The following NFIX variants were observed in gnomAD, a reference collection of about 807,000 sequenced individuals.
NFIX encodes the protein nuclear factor I X, also known as nuclear factor 1 X-type.
NFIX carries 2 observed loss-of-function variants against 53.3 expected under a neutral mutation model. That is an observed-to-expected ratio of 0.04 (90% CI 0.02 to 0.12). The LOEUF (loss-of-function observed/expected upper bound fraction) is 0.12, where lower values mean the gene tolerates loss of function less well. Among genes scored for constraint, NFIX ranks in the 10% least tolerant of loss-of-function variants. NFIX has a pLI of 1.00. For missense variants in NFIX, 310 were observed against 674.5 expected (o/e 0.46, Z 5.99); for synonymous variants, 244 against 289.0 (o/e 0.84, Z 1.58).
chr19:13,043,303 C>T lies in NFIX; in HGVS notation c.559+17751C>T, dbSNP rs761182172. 1.3e-5 allele frequency among the ~76,000 whole-genome samples: 2 copies of T among 152,192 alleles called. No individual in the cohort carries two copies. The highest frequency in any genetic ancestry group is 2.4e-5 in the African/African-American group (1 of 41,446). On this transcript the variant is annotated intron_variant, in intron 2 of 10. Transcript: ENST00000592199. This position sits in a 1 kb window ranked among gnomAD's most constrained non-coding sequence, Gnocchi z 4.0. Reference sequence around the variant, plus strand: ...TTAGCACTGCTAGAAGGGGAGGGACCCTTGGGGGTCACCGTGGCATGGCAG... The same window carrying T: ...TTAGCACTGCTAGAAGGGGAGGGACTCTTGGGGGTCACCGTGGCATGGCAG...
At chr19:13,055,384 G>A (rs977389117) in intron 2 of NFIX, among the ~76,000 whole-genome samples, 2 of 152,158 alleles carry the variant, frequency 1.3e-5, no homozygotes, top group African/African-American at 4.8e-5. Flanking sequence ...AGGGTCCCCC[G>A]AGTCCTTCTT....
At chr19:13,062,855 G>C (rs980272507) in intron 2 of NFIX, among the ~76,000 whole-genome samples, 1 of 152,160 alleles carries the variant, frequency 6.6e-6, no homozygotes, top group Non-Finnish European at 1.5e-5. Context: ...TCTCTCACAG[G>C]GGTATTGAGT....
At chr19:13,065,957 G>T (rs992159894) in intron 2 of NFIX, among the ~76,000 whole-genome samples, 1 of 152,190 alleles carries the variant, frequency 6.6e-6, no homozygotes, top group Non-Finnish European at 1.5e-5. Context: ...CTCATTATAT[G>T]AGGGAGGCAG....
intron 1 of NFIX, among the ~76,000 whole-genome samples, chr19:13,000,140 A>T (rs987523805): frequency 6.6e-6 from 1 of 152,222 alleles, no homozygotes; most frequent in Non-Finnish European, 1.5e-5. Flanking sequence ...GCCGTCAGAC[A>T]GAAATGGGTT....
chr19:13,078,767 T>G lies in NFIX; in HGVS notation c.1078+32T>G. 3 of 1,573,526 alleles carry G rather than the reference T, an allele frequency of 1.9e-6. No homozygotes were observed. Among genetic ancestry groups the G allele is most frequent in the Non-Finnish European group, 2.6e-6 (3 of 1,163,920 alleles). ...AATGGGGGGCCCCGGAGGGGGGCAG[T>G]TGGGGAGGTGGCTGAGTATCTAGGG... On this transcript the variant is annotated intron_variant, in intron 7 of 10. Coordinates refer to ENST00000592199, the MANE Select transcript of NFIX (RefSeq NM_001365902.3). The surrounding 1 kb of genome is among the most constrained non-coding windows in gnomAD (Gnocchi z 4.7).
In NFIX at chr19:13,040,015, G is replaced by T. The variant is rs2014507472; in HGVS notation, c.559+14463G>T. 6.6e-6 allele frequency among the ~76,000 whole-genome samples: 1 copy of T among 152,182 alleles called. No homozygotes were observed. Among genetic ancestry groups the T allele is most frequent in the African/African-American group, 2.4e-5 (1 of 41,442 alleles). ...TTATGAGGGGAGAATCCTGACAGAG[G>T]AGGGGCAGTGGAAGCTTCCAGAATG... On this transcript the variant is annotated intron_variant, in intron 2 of 10. Coordinates refer to ENST00000592199, the MANE Select transcript of NFIX (RefSeq NM_001365902.3). The surrounding 1 kb of genome is among the most constrained non-coding windows in gnomAD (Gnocchi z 4.2).
intron 8 of NFIX, among the ~76,000 whole-genome samples, chr19:13,084,410 C>T (rs2017651378): frequency 6.6e-6 from 1 of 152,146 alleles, no homozygotes; most frequent in Non-Finnish European, 1.5e-5. Context: ...CGCCACTGCA[C>T]TCCAGTCTGG....
chr19:13,000,420 G>A (rs759996838), intron 1 of NFIX, among the ~76,000 whole-genome samples: 2 of 151,970 alleles, frequency 1.3e-5, no homozygotes, highest in African/African-American at 4.8e-5. Flanking sequence ...TGGACTGCCT[G>A]GAGGAGGAGG....
At position 13,095,661 on chromosome 19, in the gene NFIX, G is replaced by T. The variant is rs2018401545; in HGVS notation, c.*1012G>T. ...CGGGCCGGAGGGTGGAGCAGAAAGGGGACCCCGGAGCCGAGCGAGGAGGAC... is the reference window on the plus strand; with the variant it reads ...CGGGCCGGAGGGTGGAGCAGAAAGGTGACCCCGGAGCCGAGCGAGGAGGAC... On this transcript the variant is annotated 3_prime_UTR_variant, in exon 11 of 11. Transcript: ENST00000592199. 2 of 152,422 alleles carry T rather than the reference G, an allele frequency of 1.3e-5. No individual in the cohort carries two copies. The highest frequency in any genetic ancestry group is 4.1e-4 in the South Asian group (2 of 4,838). The allele number at this position is 152,422 out of a possible 1,614,324, so 9.4% of individuals were successfully genotyped here. A position where few individuals can be genotyped will look rare whatever the true frequency, so the allele number is the denominator to read the frequency against.
chr19:13,015,826 G>A (rs1196633434), intron 1 of NFIX, among the ~76,000 whole-genome samples: 4 of 151,968 alleles, frequency 2.6e-5, no homozygotes, highest in Middle Eastern at 3.2e-3. Context: ...ACACGCACAC[G>A]CACTCTGCAG....
intron 2 of NFIX, among the ~76,000 whole-genome samples, chr19:13,058,155 A>AGCAGGAGGGGTGGTTGGATG (rs1423030385): frequency 2.0e-5 from 3 of 152,134 alleles, no homozygotes; most frequent in African/African-American, 7.2e-5. Context: ...GGAGCCTTCA[A>AGCAGGAGGGGTGGTTGGATG]GCAGGAGGGG....
At chr19:12,999,012 C>T (rs190916931) in intron 1 of NFIX, among the ~76,000 whole-genome samples, 1 of 152,188 alleles carries the variant, frequency 6.6e-6, no homozygotes, top group East Asian at 1.9e-4. Flanking sequence ...TCATGGAGCC[C>T]TGAGCACATG....
At chr19:13,044,146 C>T (rs2014827703) in intron 2 of NFIX, among the ~76,000 whole-genome samples, 1 of 152,170 alleles carries the variant, frequency 6.6e-6, no homozygotes, top group South Asian at 2.1e-4. Context: ...GGAGCTGCCT[C>T]AAGACTCCTG....
chr19:13,044,227 G>A lies in NFIX; in HGVS notation c.559+18675G>A, dbSNP rs190787396. Among the ~76,000 whole-genome samples, 655 of 152,340 alleles carry A rather than the reference G, an allele frequency of 4.3e-3. 8 individuals are homozygous for A. Among genetic ancestry groups the A allele is most frequent in the Non-Finnish European group, 4.9e-3 (334 of 68,034 alleles). The stretch of plus-strand genomic sequence containing the variant: ...TTGTGTAGGACAGAGGGAGGCGACA[G>A]CATCGTTTCTCCCCTTTCTTCCTTC... On this transcript the variant is annotated intron_variant, in intron 2 of 10. Transcript: ENST00000592199.
Position 13,094,802 on chromosome 19 carries a change from CAG to C in NFIX, c.*154_*155del. The C allele has an allele frequency of 1.3e-6, 1 of 788,506 alleles. No individual in the cohort carries two copies. The highest frequency in any genetic ancestry group is 2.0e-6 in the Non-Finnish European group (1 of 499,072). 48.8% of individuals were successfully genotyped at this position (788,506 alleles called of 1,614,324 possible). ...TCAGCCACTCAGCCCTTCTCTCCTC[CAG>C]CCCGGGGACCCCCGCGGGCCCCAGA... On this transcript the variant is annotated 3_prime_UTR_variant, in exon 11 of 11. Coordinates refer to ENST00000592199, the MANE Select transcript of NFIX (RefSeq NM_001365902.3). The surrounding 1 kb of genome is among the most constrained non-coding windows in gnomAD (Gnocchi z 4.3).
In NFIX at chr19:13,074,087, C is replaced by G; in HGVS notation, c.818+61C>G. 1.9e-6 allele frequency: 3 copies of G among 1,602,394 alleles called. No homozygotes were observed. The Admixed American group carries it at 5.0e-5, about 27-fold the overall frequency. On this transcript the variant is annotated intron_variant, in intron 5 of 10. Transcript: ENST00000592199. The stretch of plus-strand genomic sequence containing the variant: ...CACTCCCCCCAGGGCCAGGGCCGTC[C>G]CAGTGGCTATAGTCAGCTGTGTCAC...
Position 13,027,144 on chromosome 19 carries a change from G to T in NFIX, c.559+1592G>T, listed in dbSNP as rs2013428891. ...ATTCTTGTCCTGAGAGGTTGCTTTG[G>T]TAACTGGTTAGAAGCAGGGGACACC... On this transcript the variant is annotated intron_variant, in intron 2 of 10. Coordinates refer to ENST00000592199, the MANE Select transcript of NFIX (RefSeq NM_001365902.3). The surrounding 1 kb of genome is among the most constrained non-coding windows in gnomAD (Gnocchi z 4.3). Among the ~76,000 whole-genome samples the T allele has an allele frequency of 6.6e-6, 1 of 152,110 alleles. No homozygotes were observed. The highest frequency in any genetic ancestry group is 6.5e-5 in the Admixed American group (1 of 15,280).
chr19:13,082,873 C>T (rs577102484), intron 8 of NFIX, among the ~76,000 whole-genome samples: 1 of 152,208 alleles, frequency 6.6e-6, no homozygotes, highest in African/African-American at 2.4e-5. Context: ...ATCCCGGAAG[C>T]CCACACCAGA....
rs1057300155 is a variant in NFIX, at chr19:13,005,455, C to T, written c.27+9591C>T. Among the ~76,000 whole-genome samples, 1 of 152,280 alleles carries T rather than the reference C, an allele frequency of 6.6e-6. No homozygotes were observed. The highest frequency in any genetic ancestry group is 1.9e-4 in the East Asian group (1 of 5,180). ...CTGCCACTCACTAGCTGTGTAACTT[C>T]AGGCAAGTTGCTTAACCTCTCTGGG... is the stretch of plus-strand genomic sequence containing the variant. On this transcript the variant is annotated intron_variant, in intron 1 of 10. Coordinates refer to ENST00000592199, the MANE Select transcript of NFIX (RefSeq NM_001365902.3). The surrounding 1 kb of genome is among the most constrained non-coding windows in gnomAD (Gnocchi z 4.7).
Sources: gnomAD v4.1 joint callset for allele counts (sites outside exome capture counted in the v4.1 genomes callset) on GRCh38, gnomAD v4.1.1 for gene constraint, Gnocchi (gnomAD v3.1) non-coding constraint, MANE v1.5 for transcripts, NCBI Gene and HGNC (gene_info 2026-07-23, HGNC 2026-07-21) for gene names.